The following ASCC3 variants were observed in gnomAD, a reference collection of about 807,000 sequenced individuals.
The protein encoded by ASCC3 is activating signal cointegrator 1 complex subunit 3.
A neutral mutation model predicts 256.3 loss-of-function variants in ASCC3; 158 were observed. The observed-to-expected ratio is 0.62, with a 90% CI of 0.54 to 0.70. ASCC3 has a LOEUF of 0.70. ASCC3 is among the 30% of genes least tolerant of loss of function. The pLI is 0.00. For missense variants in ASCC3, 2,259 were observed against 2,626.0 expected (o/e 0.86, Z 3.05); for synonymous variants, 948 against 883.4 (o/e 1.07, Z -1.30).
chr6:100,867,823 T>A (rs1042276214), intron 2 of ASCC3, 85 bp downstream of exon 2: 8 of 1,187,476 alleles, frequency 6.7e-6, no homozygotes, highest in Non-Finnish European at 8.6e-6. Flanking sequence ...GTTAACCACA[T>A]AGAATGGAGA....
At chr6:100,612,622 A>T (rs1032067306) in intron 30 of ASCC3, among the ~76,000 whole-genome samples, 7 of 152,034 alleles carry the variant, frequency 4.6e-5, no homozygotes, top group South Asian at 2.1e-4. Flanking sequence ...ATTAAATGAC[A>T]CTAAAACATT....
intron 34 of ASCC3, among the ~76,000 whole-genome samples, chr6:100,594,869 A>G (rs1245284499): frequency 1.3e-5 from 2 of 152,192 alleles, no homozygotes; most frequent in Non-Finnish European, 2.9e-5. Flanking sequence ...AGGAAATTCT[A>G]TATTAGCACC....
intron 4 of ASCC3, among the ~76,000 whole-genome samples, chr6:100,832,977 A>G (rs1771693366): frequency 6.6e-6 from 1 of 152,152 alleles, no homozygotes; most frequent in African/African-American, 2.4e-5. Flanking sequence ...AAAACAAAGA[A>G]GGAAATAAAA....
chr6:100,650,866 A>G, intron 19 of ASCC3, 152 bp from the exon 20 acceptor site: 2 of 670,404 alleles, frequency 3.0e-6, no homozygotes, highest in Non-Finnish European at 5.1e-6. Flanking sequence ...TGATTTTTCC[A>G]TAGGTAGCTA....
intron 33 of ASCC3, 67 bp from the exon 34 acceptor site, chr6:100,602,002 A>C: frequency 6.4e-4 from 979 of 1,523,150 alleles, no homozygotes; most frequent in Non-Finnish European, 8.0e-4. Flanking sequence ...AATTTATCTC[A>C]CATAGTCAAG....
intron 8 of ASCC3, among the ~76,000 whole-genome samples, chr6:100,787,106 T>C (rs1166677996): frequency 6.6e-6 from 1 of 152,030 alleles, no homozygotes; most frequent in African/African-American, 2.4e-5. Context: ...CCCTCAAGCA[T>C]AGTGGGACCT....
intron 10 of ASCC3, among the ~76,000 whole-genome samples, chr6:100,741,733 T>A (rs907121272): frequency 6.6e-6 from 1 of 152,154 alleles, no homozygotes; most frequent in Non-Finnish European, 1.5e-5. Context: ...CTCCATGAGG[T>A]TGGTTATGTT....
chr6:100,670,730 T>C (rs1371201287), intron 14 of ASCC3, among the ~76,000 whole-genome samples: 1 of 151,952 alleles, frequency 6.6e-6, no homozygotes, highest in African/African-American at 2.4e-5. Context: ...GGAGGAAGTA[T>C]AAATTGGAAC....
At chr6:100,686,975 T>C (rs1247719669) in intron 13 of ASCC3, among the ~76,000 whole-genome samples, 2 of 151,808 alleles carry the variant, frequency 1.3e-5, no homozygotes, top group Admixed American at 6.6e-5. Flanking sequence ...TTGGTATCTC[T>C]TCAATACAGA....
chr6:100,522,355 T>G (rs1376147120), intron 37 of ASCC3, among the ~76,000 whole-genome samples: 1 of 152,164 alleles, frequency 6.6e-6, no homozygotes, highest in African/African-American at 2.4e-5. Flanking sequence ...ATACTATAAC[T>G]AAAACCTTAT....
At chr6:100,587,671 T>C (rs971114147) in intron 36 of ASCC3, among the ~76,000 whole-genome samples, 4 of 152,238 alleles carry the variant, frequency 2.6e-5, no homozygotes, top group East Asian at 1.9e-4. Context: ...TATTCCGTTA[T>C]ACAGCTTTCC....
chr6:100,801,701 A>G (rs1017430007), intron 5 of ASCC3, among the ~76,000 whole-genome samples: 3 of 151,926 alleles, frequency 2.0e-5, no homozygotes, highest in African/African-American at 7.3e-5. Flanking sequence ...CATTTTCCTA[A>G]GTATTTTATC....
Position 100,509,200 on chromosome 6 carries a change from T to C in ASCC3, c.*186A>G. On this transcript the variant is annotated 3_prime_UTR_variant, in exon 42 of 42. Transcript: ENST00000369162. ...AGATAACATTATAAAAGGCAACATT[T>C]GTTAAAAGGCCACTGTGGTTAACTT... 1.4e-6 allele frequency: 1 copy of C among 697,710 alleles called. No homozygotes were observed. The highest frequency in any genetic ancestry group is 2.5e-6 in the Non-Finnish European group (1 of 403,912). The allele number at this position is 697,710 out of a possible 1,614,324, so 43.2% of individuals were successfully genotyped here. A position where few individuals can be genotyped will look rare whatever the true frequency, so the allele number is the denominator to read the frequency against.
intron 13 of ASCC3, among the ~76,000 whole-genome samples, chr6:100,692,512 T>G (rs899749049): frequency 5.3e-5 from 8 of 152,240 alleles, no homozygotes; most frequent in African/African-American, 1.9e-4. Context: ...AAAATTATCA[T>G]GAAACTACAG....
chr6:100,661,685 CTT>C, intron 16 of ASCC3, 119 bp downstream of exon 16: 1 of 968,170 alleles, frequency 1.0e-6, no homozygotes, highest in South Asian at 1.3e-5. Context: ...TGTCTTATAA[CTT>C]ATATGGCATA....
intron 16 of ASCC3, among the ~76,000 whole-genome samples, chr6:100,661,356 CACAA>C (rs1263286278): frequency 2.3e-4 from 34 of 150,614 alleles, no homozygotes; most frequent in East Asian, 1.9e-3. Context: ...CACACACACA[CACAA>C]AACAAATGAT....
chr6:100,628,126 C>A, intron 27 of ASCC3, 139 bp from the exon 28 acceptor site: 4 of 934,130 alleles, frequency 4.3e-6, no homozygotes, highest in Non-Finnish European at 6.3e-6. Flanking sequence ...AAAGCTAGAA[C>A]TACCAAAGGA....
intron 10 of ASCC3, among the ~76,000 whole-genome samples, chr6:100,747,734 AAG>A (rs1285437645): frequency 6.6e-6 from 1 of 152,084 alleles, no homozygotes; most frequent in Non-Finnish European, 1.5e-5. Flanking sequence ...CAGCAGGAGG[AAG>A]AGAGAGGGAT....
chr6:100,722,203 T>C (rs1228607681), intron 11 of ASCC3, among the ~76,000 whole-genome samples: 1 of 151,924 alleles, frequency 6.6e-6, no homozygotes, highest in African/African-American at 2.4e-5. Context: ...GTGTCTGTTT[T>C]TGTACCAGTA....
Sources: allele counts gnomAD v4.1 joint callset (sites outside exome capture counted in the v4.1 genomes callset), GRCh38; gene constraint gnomAD v4.1.1; transcripts MANE v1.5; gene names NCBI Gene and HGNC (gene_info 2026-07-23, HGNC 2026-07-21).